RPTOR: variants seen among roughly 807,000 people sequenced by gnomAD.
RPTOR encodes regulatory associated protein of MTOR complex 1.
A neutral mutation model predicts 169.9 loss-of-function variants in RPTOR; 21 were observed. That is an observed-to-expected ratio of 0.12 (90% CI 0.09 to 0.18). The LOEUF is 0.18. Ranked by LOEUF, RPTOR falls within the 10% of genes least tolerant of loss-of-function variation. The pLI, the probability that RPTOR is intolerant of heterozygous loss-of-function variation, is 1.00. For missense variants in RPTOR, 1,133 were observed against 1,855.9 expected (o/e 0.61, Z 7.16); for synonymous variants, 732 against 753.2 (o/e 0.97, Z 0.46).
intron 9 of RPTOR, among the ~76,000 whole-genome samples, chr17:80,829,248 A>C (rs2067476974): frequency 6.6e-6 from 1 of 152,210 alleles, no homozygotes; most frequent in Non-Finnish European, 1.5e-5. Context: ...GAGGAGAATC[A>C]TGACTGGTAG....
chr17:80,653,245 G>C (rs1469181740), intron 3 of RPTOR, among the ~76,000 whole-genome samples: 2 of 152,162 alleles, frequency 1.3e-5, no homozygotes, highest in African/African-American at 4.8e-5. Context: ...TGTCTTGATA[G>C]ATTGGTTTCA....
At chr17:80,896,449 G>GCA (rs2068403760) in intron 20 of RPTOR, among the ~76,000 whole-genome samples, 1 of 106,786 alleles carries the variant, frequency 9.4e-6, no homozygotes, top group East Asian at 2.8e-4. Context: ...CGGCCATGCC[G>GCA]ACACCCCACA....
Position 80,754,718 on chromosome 17 carries a change from C to G in RPTOR, c.830+533C>G, listed in dbSNP as rs2066662854. Among the ~76,000 whole-genome samples, 1 of 152,150 alleles carries G rather than the reference C, an allele frequency of 6.6e-6. No homozygotes were observed. Among genetic ancestry groups the G allele is most frequent in the Non-Finnish European group, 1.5e-5 (1 of 68,022 alleles). On this transcript the variant is annotated intron_variant, in intron 6 of 33. Coordinates refer to ENST00000306801, the MANE Select transcript of RPTOR (RefSeq NM_020761.3). This position sits in a 1 kb window ranked among gnomAD's most constrained non-coding sequence, Gnocchi z 4.2. ...GAAGCCGCATTTCAGCCCCAACATC[C>G]CCAGCAGAACGCACAGTGGGATATG...
At chr17:80,779,759 A>AC (rs1314312550) in intron 6 of RPTOR, among the ~76,000 whole-genome samples, 3 of 151,724 alleles carry the variant, frequency 2.0e-5, no homozygotes, top group Non-Finnish European at 2.9e-5. Context: ...ATAGTTTCCC[A>AC]CCCCCCAGCT....
chr17:80,745,215 G>C (rs2066560573), intron 5 of RPTOR, among the ~76,000 whole-genome samples: 1 of 152,246 alleles, frequency 6.6e-6, no homozygotes, highest in Non-Finnish European at 1.5e-5. Flanking sequence ...CAGAGTTGTA[G>C]AATGATCACA....
intron 4 of RPTOR, among the ~76,000 whole-genome samples, chr17:80,729,717 A>T (rs1277460401): frequency 6.6e-6 from 1 of 152,244 alleles, no homozygotes; most frequent in Non-Finnish European, 1.5e-5. Flanking sequence ...GGACCCGGCC[A>T]ACTCTTAGAG....
At chr17:80,958,597 G>C (rs946720879) in intron 29 of RPTOR, among the ~76,000 whole-genome samples, 9 of 151,454 alleles carry the variant, frequency 5.9e-5, no homozygotes, top group Non-Finnish European at 1.2e-4. Context: ...TGTATTTTTA[G>C]TGGAGACGGC....
intron 6 of RPTOR, among the ~76,000 whole-genome samples, chr17:80,756,572 G>T: frequency 6.6e-6 from 1 of 152,154 alleles, no homozygotes; most frequent in Middle Eastern, 3.2e-3. Flanking sequence ...CTGCAGCAAG[G>T]ATACCAATGT....
chr17:80,580,614 G>C (rs370037602), intron 1 of RPTOR, among the ~76,000 whole-genome samples: 1 of 152,062 alleles, frequency 6.6e-6, no homozygotes, highest in Non-Finnish European at 1.5e-5. Flanking sequence ...AGAGTGACCC[G>C]TGTGGGGTTT....
Position 80,544,898 on chromosome 17 carries a change from A to C in RPTOR, c.-732A>C, listed in dbSNP as rs1171643804. Reference sequence around the variant, plus strand: ...TGAGATGAGTTTCACTGTAGCTCCAAACCAGAGGGCAAAGCTCCCATGACC... The same window carrying C: ...TGAGATGAGTTTCACTGTAGCTCCACACCAGAGGGCAAAGCTCCCATGACC... On this transcript the variant is annotated 5_prime_UTR_variant, in exon 1 of 34. Transcript: ENST00000306801. 6 of 226,822 alleles carry C rather than the reference A, an allele frequency of 2.6e-5. No homozygotes were observed. The highest frequency in any genetic ancestry group is 3.7e-4 in the South Asian group (2 of 5,476). 14.1% of individuals were successfully genotyped at this position (226,822 alleles called of 1,614,324 possible).
Position 80,754,182 on chromosome 17 carries a change from G to T in RPTOR, c.827G>T (p.Arg276Leu). 1 of 1,596,800 alleles carries T rather than the reference G, an allele frequency of 6.3e-7. No individual in the cohort carries two copies. Residue 276 changes from arginine to leucine, a missense_variant, in exon 6 of 34, where the codon CGC becomes CTC. Coordinates refer to ENST00000306801, the MANE Select transcript of RPTOR (RefSeq NM_020761.3). This position sits in a 1 kb window ranked among gnomAD's most constrained non-coding sequence, Gnocchi z 4.2. ...CLTTPIKIAL[R>L]WFCMQKCVSL... is the part of the protein sequence containing the mutation. The stretch of plus-strand genomic sequence containing the variant: ...ACCACCCCCATCAAGATCGCCCTGC[G>T]CTGGTGAGTGGCCCCTGCTGTGCCC...
At chr17:80,780,406 A>AATG (rs1353079222) in intron 6 of RPTOR, among the ~76,000 whole-genome samples, 3 of 152,118 alleles carry the variant, frequency 2.0e-5, no homozygotes, top group Non-Finnish European at 4.4e-5. Flanking sequence ...AGAAACCACC[A>AATG]CGGTTTAAAT....
chr17:80,566,859 A>T (rs967538215), intron 1 of RPTOR, among the ~76,000 whole-genome samples: 1 of 146,676 alleles, frequency 6.8e-6, no homozygotes, highest in African/African-American at 2.5e-5. Context: ...AAAAGAATGT[A>T]TATTTTCCTG....
At chr17:80,883,555 A>C in intron 15 of RPTOR, 71 bp downstream of exon 15, 1 of 1,500,776 alleles carries the variant, frequency 6.7e-7, no homozygotes, top group Non-Finnish European at 9.3e-7. Flanking sequence ...CCCACTGTGA[A>C]ACGTGGTGCC....
At chr17:80,781,804 C>T (rs927322555) in intron 6 of RPTOR, among the ~76,000 whole-genome samples, 5 of 152,204 alleles carry the variant, frequency 3.3e-5, no homozygotes, top group Non-Finnish European at 7.3e-5. Context: ...CCCTGCACTG[C>T]GCTGGAGGGA....
At chr17:80,551,555 C>A (rs559137062) in intron 1 of RPTOR, among the ~76,000 whole-genome samples, 1 of 152,340 alleles carries the variant, frequency 6.6e-6, no homozygotes, top group South Asian at 2.1e-4. Flanking sequence ...CAATGCTTTA[C>A]AAAGCAGTAT....
chr17:80,945,818 A>T, intron 26 of RPTOR, 37 bp downstream of exon 26: 1 of 1,300,572 alleles, frequency 7.7e-7, no homozygotes, highest in South Asian at 1.4e-5. Flanking sequence ...CTTCCGGCTG[A>T]CCGACAGCCC....
chr17:80,683,153 G>A (rs80202804), intron 3 of RPTOR, among the ~76,000 whole-genome samples: 9,261 of 151,684 alleles, frequency 0.061, 959 homozygotes, highest in African/African-American at 0.21. Flanking sequence ...GGCAGCCTCC[G>A]CACTGGCCTG....
chr17:80,746,838 GT>G lies in RPTOR; in HGVS notation c.655-7161del, dbSNP rs57747698. On this transcript the variant is annotated intron_variant, in intron 5 of 33. Coordinates refer to ENST00000306801, the MANE Select transcript of RPTOR (RefSeq NM_020761.3). This position sits in a 1 kb window ranked among gnomAD's most constrained non-coding sequence, Gnocchi z 4.5. ...AGGAAATAACTCATCTGTTGAAATA[GT>G]TTTTTTTTTTCCCTTGGGTTAGCAA... Among the ~76,000 whole-genome samples, 26 of 147,906 alleles carry G rather than the reference GT, an allele frequency of 1.8e-4. No individual in the cohort carries two copies. The highest frequency in any genetic ancestry group is 6.9e-3 in the Middle Eastern group (2 of 288).
Sources: gnomAD v4.1 joint callset for allele counts (sites outside exome capture counted in the v4.1 genomes callset) on GRCh38, gnomAD v4.1.1 for gene constraint, Gnocchi (gnomAD v3.1) non-coding constraint, MANE v1.5 for transcripts, NCBI Gene and HGNC (gene_info 2026-07-23, HGNC 2026-07-21) for gene names.